Variants in SNTB1 observed in about 807,000 individuals in gnomAD.
SNTB1 encodes beta-1-syntrophin.
A neutral mutation model predicts 48.9 loss-of-function variants in SNTB1; 36 were observed. The ratio of observed to expected loss-of-function variants is 0.74; its 90% CI spans 0.56 to 0.97. The LOEUF is 0.97. Ranked by LOEUF, SNTB1 falls within the 50% of genes least tolerant of loss-of-function variation. The pLI, the probability that SNTB1 is intolerant of heterozygous loss-of-function variation, is 0.00. For missense variants in SNTB1, 786 were observed against 703.4 expected, an observed-to-expected ratio of 1.12 and a Z score of -1.33; for synonymous variants, 299 against 294.6, an observed-to-expected ratio of 1.01 and a Z score of -0.15.
At chr8:120,646,168 C>A (rs1225651826) in intron 2 of SNTB1, among the ~76,000 whole-genome samples, 1 of 138,582 alleles carries the variant, frequency 7.2e-6, no homozygotes, top group Non-Finnish European at 1.6e-5. Context: ...CCTTCTCCTG[C>A]CTCATTGCCC....
At chr8:120,661,299 T>C (rs1470719896) in intron 2 of SNTB1, among the ~76,000 whole-genome samples, 1 of 151,948 alleles carries the variant, frequency 6.6e-6, no homozygotes, top group Non-Finnish European at 1.5e-5. Context: ...CCTAGTTAAA[T>C]GCATGAATGA....
chr8:120,641,554 C>T (rs1817197095), intron 2 of SNTB1, among the ~76,000 whole-genome samples: 1 of 152,202 alleles, frequency 6.6e-6, no homozygotes, highest in Admixed American at 6.5e-5. Context: ...AGCAGACTTG[C>T]AAACAGAGGT....
intron 1 of SNTB1, among the ~76,000 whole-genome samples, chr8:120,694,645 T>C (rs1363379994): frequency 6.6e-6 from 1 of 151,662 alleles, no homozygotes; most frequent in Non-Finnish European, 1.5e-5. Flanking sequence ...ACCTGTAAGA[T>C]CTATTATTAG....
intron 2 of SNTB1, among the ~76,000 whole-genome samples, chr8:120,654,645 T>C (rs896789270): frequency 5.3e-5 from 8 of 152,142 alleles, no homozygotes; most frequent in Non-Finnish European, 1.5e-5. Context: ...TGGCACGGCG[T>C]ATGAATGATA....
intron 2 of SNTB1, among the ~76,000 whole-genome samples, chr8:120,662,650 TCA>T (rs1817609105): frequency 6.6e-6 from 1 of 152,122 alleles, no homozygotes; most frequent in Non-Finnish European, 1.5e-5. Flanking sequence ...TGCCTCTGCC[TCA>T]CAGCATTCCA....
intron 3 of SNTB1, among the ~76,000 whole-genome samples, chr8:120,629,515 TTA>T (rs1334530225): frequency 6.6e-6 from 1 of 152,232 alleles, no homozygotes; most frequent in Non-Finnish European, 1.5e-5. Flanking sequence ...GGGTCACATT[TTA>T]TGTCTTTACA....
chr8:120,729,852 T>C (rs2129973176), intron 1 of SNTB1, among the ~76,000 whole-genome samples: 1 of 152,352 alleles, frequency 6.6e-6, no homozygotes, highest in African/African-American at 2.4e-5. Context: ...AGATGCAGTC[T>C]TTCCACTAAC....
intron 1 of SNTB1, among the ~76,000 whole-genome samples, chr8:120,765,489 C>A (rs1275765656): frequency 6.6e-6 from 1 of 152,142 alleles, no homozygotes; most frequent in Non-Finnish European, 1.5e-5. Context: ...AGAAAGGACA[C>A]TTATTTTTCA....
chr8:120,590,676 T>C lies in SNTB1; in HGVS notation c.997-15451A>G, dbSNP rs917680154. 5.0e-5 allele frequency among the ~76,000 whole-genome samples: 7 copies of C among 140,084 alleles called. No homozygotes were observed. In the East Asian group the frequency reaches 1.5e-3, roughly 31 times the overall value. The allele number at this position is 140,084 out of a possible 152,430, so 91.9% of individuals were successfully genotyped here. On this transcript the variant is annotated intron_variant, in intron 3 of 6. Coordinates refer to ENST00000517992, the MANE Select transcript of SNTB1 (RefSeq NM_021021.4). ...TTATAGGTTTCTTTCTTTTGTTTTC[T>C]TTTCTTTTCTTTTTTTTTTTTTTTG...
At chr8:120,750,852 A>G (rs912280091) in intron 1 of SNTB1, among the ~76,000 whole-genome samples, 23 of 152,120 alleles carry the variant, frequency 1.5e-4, no homozygotes, top group African/African-American at 5.5e-4. Flanking sequence ...TTAGGAAGGA[A>G]TTTAAGTATG....
At chr8:120,589,851 T>C (rs1390101691) in intron 3 of SNTB1, among the ~76,000 whole-genome samples, 1 of 152,196 alleles carries the variant, frequency 6.6e-6, no homozygotes, top group Non-Finnish European at 1.5e-5. Flanking sequence ...CATTTCAATA[T>C]ATAAATTGTC....
At chr8:120,743,438 G>A (rs182296911) in intron 1 of SNTB1, among the ~76,000 whole-genome samples, 11 of 152,094 alleles carry the variant, frequency 7.2e-5, no homozygotes, top group Non-Finnish European at 1.3e-4. Context: ...ACTGATATCC[G>A]CAATGCAGGC....
chr8:120,717,082 C>CT (rs967485554), intron 1 of SNTB1, among the ~76,000 whole-genome samples: 19 of 152,208 alleles, frequency 1.2e-4, no homozygotes, highest in African/African-American at 3.9e-4. Flanking sequence ...TTGCAGATCA[C>CT]TTTTCCCTTA....
intron 1 of SNTB1, among the ~76,000 whole-genome samples, chr8:120,749,742 G>A (rs1819181103): frequency 1.3e-5 from 2 of 152,106 alleles, no homozygotes; most frequent in Admixed American, 1.3e-4. Context: ...GTCTAGGTGT[G>A]GCTCAGCAAC....
intron 1 of SNTB1, among the ~76,000 whole-genome samples, chr8:120,745,496 C>T (rs907571461): frequency 2.0e-5 from 3 of 152,006 alleles, no homozygotes; most frequent in African/African-American, 4.8e-5. Flanking sequence ...TGTCTGGATT[C>T]CCTCACCTAG....
intron 1 of SNTB1, among the ~76,000 whole-genome samples, chr8:120,794,735 C>A (rs1253661614): frequency 6.6e-6 from 1 of 151,990 alleles, no homozygotes; most frequent in Non-Finnish European, 1.5e-5. Context: ...TGCCCCATTT[C>A]TTAGTTGCTG....
intron 1 of SNTB1, among the ~76,000 whole-genome samples, chr8:120,746,873 T>C (rs1244753718): frequency 1.3e-5 from 2 of 152,170 alleles, no homozygotes; most frequent in African/African-American, 4.8e-5. Flanking sequence ...AGTCCATTCA[T>C]GCAACTTTAA....
At chr8:120,645,955 G>T (rs1334012731) in intron 2 of SNTB1, among the ~76,000 whole-genome samples, 1 of 144,322 alleles carries the variant, frequency 6.9e-6, no homozygotes, top group African/African-American at 2.6e-5. Flanking sequence ...TCATGATTTG[G>T]CTCTCTGTTT....
chr8:120,623,256 G>A lies in SNTB1; in HGVS notation c.996+9188C>T, dbSNP rs78802333. ...TGTAAGGCCTCATGATCATTGTAAG[G>A]CTTAAAACTTCATGTGTTGCCTTGA... is the stretch of plus-strand genomic sequence containing the variant. On this transcript the variant is annotated intron_variant, in intron 3 of 6. Transcript: ENST00000517992. 7.8e-3 allele frequency among the ~76,000 whole-genome samples: 1,184 copies of A among 152,222 alleles called. 24 individuals are homozygous for A. Among genetic ancestry groups the A allele is most frequent in the African/African-American group, 0.027 (1,106 of 41,528 alleles).
Sources: allele counts gnomAD v4.1 joint callset (sites outside exome capture counted in the v4.1 genomes callset), GRCh38; gene constraint gnomAD v4.1.1; transcripts MANE v1.5; gene names NCBI Gene and HGNC (gene_info 2026-07-23, HGNC 2026-07-21).